MAD1L1: variants seen among roughly 807,000 people sequenced by gnomAD.
The protein encoded by MAD1L1 is mitotic spindle assembly checkpoint protein MAD1.
A neutral mutation model predicts 96.9 loss-of-function variants in MAD1L1; 95 were observed. The observed-to-expected ratio is 0.98, with a 90% confidence interval of 0.83 to 1.16. The LOEUF (loss-of-function observed/expected upper bound fraction) is 1.16, where lower values mean the gene tolerates loss of function less well. Ranked by LOEUF, MAD1L1 falls within the 50% of genes most tolerant of loss-of-function variation. MAD1L1 has a pLI of 0.00. For missense variants in MAD1L1, 1,007 were observed against 954.4 expected, an observed-to-expected ratio of 1.06 and a Z score of -0.73; for synonymous variants, 473 against 396.6, an observed-to-expected ratio of 1.19 and a Z score of -2.29.
At chr7:2,180,917 G>T (rs374214249) in intron 10 of MAD1L1, among the ~76,000 whole-genome samples, 20 of 152,204 alleles carry the variant, frequency 1.3e-4, no homozygotes, top group African/African-American at 4.8e-4. Flanking sequence ...CCTGGGTAGA[G>T]CCTCCAGCAC....
At chr7:1,931,416 CAT>C (rs544006959) in intron 17 of MAD1L1, among the ~76,000 whole-genome samples, 4 of 152,346 alleles carry the variant, frequency 2.6e-5, no homozygotes, top group South Asian at 4.1e-4. Context: ...TTTACATGCA[CAT>C]GAGTTAAGAG....
chr7:2,179,465 T>C (rs1005877281), intron 10 of MAD1L1, among the ~76,000 whole-genome samples: 23 of 147,536 alleles, frequency 1.6e-4, no homozygotes, highest in African/African-American at 5.3e-4. Context: ...GAGGTAGAGG[T>C]TGCAGTGAGC....
intron 15 of MAD1L1, among the ~76,000 whole-genome samples, chr7:1,966,664 A>G (rs150591123): frequency 4.6e-5 from 7 of 152,272 alleles, no homozygotes; most frequent in Non-Finnish European, 2.9e-5. Flanking sequence ...CATCCAAACG[A>G]AACTGCTGAA....
At chr7:1,869,839 CTCCATGGGG>C (rs1784957615) in intron 18 of MAD1L1, among the ~76,000 whole-genome samples, 1 of 152,186 alleles carries the variant, frequency 6.6e-6, no homozygotes, top group Non-Finnish European at 1.5e-5. Context: ...CCGCAAGTGC[CTCCATGGGG>C]CAGGCAGGTT....
Position 2,086,910 on chromosome 7 carries a change from G to A in MAD1L1, c.1074-17572C>T, listed in dbSNP as rs549134688. 3.3e-5 allele frequency among the ~76,000 whole-genome samples: 5 copies of A among 152,346 alleles called. No individual in the cohort carries two copies. In the South Asian group the frequency reaches 1.0e-3, roughly 32 times the overall value. On this transcript the variant is annotated intron_variant, in intron 11 of 18. Transcript: ENST00000265854. ...AAGGGTGGCAGAGAAATCACGTGCA[G>A]GAAGACGGGAGATGTGGCCAGGAAT...
chr7:2,118,195 T>A (rs562874543), intron 11 of MAD1L1, among the ~76,000 whole-genome samples: 2 of 152,290 alleles, frequency 1.3e-5, no homozygotes, highest in South Asian at 4.2e-4. Context: ...GGGGTGCCAC[T>A]CAGCCACAGC....
intron 11 of MAD1L1, among the ~76,000 whole-genome samples, chr7:2,147,377 C>A (rs554572630): frequency 4.5e-4 from 68 of 152,360 alleles, no homozygotes; most frequent in African/African-American, 1.6e-3. Context: ...CCAGCGCCAT[C>A]TGGAGCCTGC....
intron 10 of MAD1L1, among the ~76,000 whole-genome samples, chr7:2,172,641 A>G (rs1287635726): frequency 2.0e-5 from 3 of 152,238 alleles, no homozygotes; most frequent in African/African-American, 4.8e-5. Context: ...CATCCAGCAA[A>G]GCCGTCAGTA....
intron 14 of MAD1L1, among the ~76,000 whole-genome samples, chr7:1,999,509 G>A (rs1478852845): frequency 3.3e-5 from 5 of 152,144 alleles, no homozygotes; most frequent in African/African-American, 7.2e-5. Context: ...GAAGCCTGAC[G>A]CCCAACCTGG....
chr7:1,825,069 G>T (rs1029136125), intron 18 of MAD1L1, among the ~76,000 whole-genome samples: 1 of 152,154 alleles, frequency 6.6e-6, no homozygotes, highest in South Asian at 2.1e-4. Flanking sequence ...ATGGTTCTCT[G>T]CATTTTCCAG....
rs542659669 is a variant in MAD1L1, at chr7:2,010,797, T to G, written c.1359+3705A>C. 2.3e-4 allele frequency among the ~76,000 whole-genome samples: 35 copies of G among 152,238 alleles called. No homozygotes were observed. In the East Asian group the frequency reaches 6.2e-3, roughly 27 times the overall value. On this transcript the variant is annotated intron_variant, in intron 13 of 18. Coordinates refer to ENST00000265854, the MANE Select transcript of MAD1L1 (RefSeq NM_001013836.2). ...CACCTGGCGGTCAGGTAGCAGATCCTCACCTGCCCCGAGAGGCGCCTTCCC... is the reference window on the plus strand; with the variant it reads ...CACCTGGCGGTCAGGTAGCAGATCCGCACCTGCCCCGAGAGGCGCCTTCCC...
intron 16 of MAD1L1, among the ~76,000 whole-genome samples, chr7:1,957,120 G>A (rs537986200): frequency 5.9e-5 from 9 of 152,290 alleles, no homozygotes; most frequent in Admixed American, 2.6e-4. Context: ...AGCGCGGCTC[G>A]GAGCCGCCCA....
intron 18 of MAD1L1, among the ~76,000 whole-genome samples, chr7:1,817,304 G>A (rs1297075109): frequency 1.3e-5 from 2 of 152,262 alleles, no homozygotes; most frequent in East Asian, 3.9e-4. Context: ...GAGTCCATGG[G>A]CCCAGCACCC....
At chr7:2,159,620 A>G (rs1790004768) in intron 10 of MAD1L1, among the ~76,000 whole-genome samples, 1 of 152,138 alleles carries the variant, frequency 6.6e-6, no homozygotes, top group South Asian at 2.1e-4. Flanking sequence ...TACGTTTTCA[A>G]TAAATACTAA....
chr7:2,104,349 T>A (rs1194043766), intron 11 of MAD1L1, among the ~76,000 whole-genome samples: 1 of 152,074 alleles, frequency 6.6e-6, no homozygotes, highest in East Asian at 1.9e-4. Flanking sequence ...GCCCCGCCCC[T>A]CCGCGAAGGA....
At chr7:1,941,729 C>T (rs900654431) in intron 16 of MAD1L1, among the ~76,000 whole-genome samples, 2 of 152,218 alleles carry the variant, frequency 1.3e-5, no homozygotes, top group Admixed American at 6.5e-5. Flanking sequence ...CCCTGGGTCA[C>T]GGAGAGCATT....
chr7:2,147,253 C>A (rs941578087), intron 11 of MAD1L1, among the ~76,000 whole-genome samples: 2 of 152,290 alleles, frequency 1.3e-5, no homozygotes, highest in East Asian at 1.9e-4. Context: ...AGCCGCCCCC[C>A]AGGACCTGCA....
intron 12 of MAD1L1, among the ~76,000 whole-genome samples, chr7:2,020,810 G>A (rs1313766389): frequency 6.6e-6 from 1 of 151,694 alleles, no homozygotes; most frequent in Non-Finnish European, 1.5e-5. Context: ...CTAGGCTACG[G>A]TGCAGTGGCA....
At chr7:2,003,414 G>A (rs572192197) in intron 13 of MAD1L1, among the ~76,000 whole-genome samples, 1 of 152,250 alleles carries the variant, frequency 6.6e-6, no homozygotes, top group Admixed American at 6.5e-5. Context: ...TGAGGCAACA[G>A]CCCACAGTCC....
Sources: allele counts gnomAD v4.1 joint callset (sites outside exome capture counted in the v4.1 genomes callset), GRCh38; gene constraint gnomAD v4.1.1; transcripts MANE v1.5; gene names NCBI Gene and HGNC (gene_info 2026-07-23, HGNC 2026-07-21).